The following SEMA6D variants were observed in gnomAD, a reference collection of about 807,000 sequenced individuals.
SEMA6D encodes semaphorin 6D.
In SEMA6D, 35 loss-of-function variants were observed where a neutral mutation model predicts 106.6. The ratio of observed to expected loss-of-function variants is 0.33; its 90% CI spans 0.25 to 0.44. SEMA6D has a LOEUF of 0.44. SEMA6D is among the 20% of genes least tolerant of loss of function. The pLI is 1.00. For missense variants in SEMA6D, 1,185 were observed against 1,345.9 expected, an observed-to-expected ratio of 0.88 and a Z score of 1.87; for synonymous variants, 499 against 487.7, an observed-to-expected ratio of 1.02 and a Z score of -0.31.
At chr15:47,245,070 A>G (rs2141834562) in intron 1 of SEMA6D, among the ~76,000 whole-genome samples, 1 of 151,080 alleles carries the variant, frequency 6.6e-6, no homozygotes, top group African/African-American at 2.4e-5. Context: ...CATGGTATAT[A>G]CTTACCACAT....
chr15:47,514,863 C>T (rs752613691), intron 3 of SEMA6D, among the ~76,000 whole-genome samples: 7 of 152,168 alleles, frequency 4.6e-5, no homozygotes, highest in Non-Finnish European at 8.8e-5. Flanking sequence ...GCACCAGAGG[C>T]ACTAGATTAG....
intron 4 of SEMA6D, among the ~76,000 whole-genome samples, chr15:47,617,037 G>T (rs1161007681): frequency 6.6e-6 from 1 of 152,166 alleles, no homozygotes; most frequent in Non-Finnish European, 1.5e-5. Flanking sequence ...TAGCTCCCAG[G>T]CATGATCGTT....
intron 1 of SEMA6D, among the ~76,000 whole-genome samples, chr15:47,376,997 C>T (rs1164918481): frequency 2.0e-5 from 3 of 152,106 alleles, no homozygotes; most frequent in African/African-American, 4.8e-5. Context: ...CCATATTCAC[C>T]TATAATTACT....
intron 4 of SEMA6D, among the ~76,000 whole-genome samples, chr15:47,662,857 G>GCACACA (rs140613951): frequency 0.03 from 4,054 of 134,056 alleles, 100 homozygotes; most frequent in South Asian, 0.073. Context: ...GTGTATGAGC[G>GCACACA]CACACACACA....
chr15:47,326,405 T>C (rs1476120658), intron 1 of SEMA6D, among the ~76,000 whole-genome samples: 4 of 152,266 alleles, frequency 2.6e-5, no homozygotes, highest in Non-Finnish European at 1.5e-5. Context: ...GCATTTGATA[T>C]GCACATTCTT....
intron 1 of SEMA6D, among the ~76,000 whole-genome samples, chr15:47,206,308 A>C (rs1895057927): frequency 6.6e-6 from 1 of 152,192 alleles, no homozygotes; most frequent in Admixed American, 6.6e-5. Flanking sequence ...AATATAATGA[A>C]AAAGAACTCA....
At chr15:47,740,785 C>T (rs1232052768) in intron 1 of SEMA6D, among the ~76,000 whole-genome samples, 2 of 152,074 alleles carry the variant, frequency 1.3e-5, no homozygotes, top group African/African-American at 2.4e-5. Context: ...GTCCCTGCTG[C>T]ACCACTGCCT....
chr15:47,338,817 C>T (rs1200323206), intron 1 of SEMA6D, among the ~76,000 whole-genome samples: 2 of 152,132 alleles, frequency 1.3e-5, no homozygotes, highest in African/African-American at 4.8e-5. Context: ...TAGAATCTCT[C>T]TCTGTGACCT....
chr15:47,290,728 G>C (rs1478524054), intron 1 of SEMA6D, among the ~76,000 whole-genome samples: 2 of 151,994 alleles, frequency 1.3e-5, no homozygotes, highest in African/African-American at 2.4e-5. Flanking sequence ...ATCAAGATGA[G>C]GCAATAAAAA....
chr15:47,303,541 G>A (rs2036105886), intron 1 of SEMA6D, among the ~76,000 whole-genome samples: 1 of 152,180 alleles, frequency 6.6e-6, no homozygotes, highest in African/African-American at 2.4e-5. Flanking sequence ...ATTGGATGTA[G>A]TAAATGTCTG....
At chr15:47,322,583 A>G (rs537418605) in intron 1 of SEMA6D, among the ~76,000 whole-genome samples, 33 of 152,300 alleles carry the variant, frequency 2.2e-4, no homozygotes, top group African/African-American at 7.9e-4. Flanking sequence ...GGCTATACAT[A>G]TGTATTGTTA....
At chr15:47,367,966 C>CTT (rs5812384) in intron 1 of SEMA6D, among the ~76,000 whole-genome samples, 8 of 148,022 alleles carry the variant, frequency 5.4e-5, no homozygotes, top group African/African-American at 1.7e-4. Context: ...CTTAATGCTC[C>CTT]TTTTTTTTTT....
intron 3 of SEMA6D, among the ~76,000 whole-genome samples, chr15:47,565,822 G>C (rs550835067): frequency 2.0e-5 from 3 of 152,308 alleles, no homozygotes; most frequent in African/African-American, 7.2e-5. Flanking sequence ...CGGGAAGTCA[G>C]CAAAATTTTT....
intron 1 of SEMA6D, among the ~76,000 whole-genome samples, chr15:47,290,467 C>A (rs16959181): frequency 0.018 from 2,769 of 152,004 alleles, 52 homozygotes; most frequent in African/African-American, 0.024. Flanking sequence ...AATGACAGAG[C>A]TGAAAGAAAC....
At chr15:47,319,762 A>G (rs2036852642) in intron 1 of SEMA6D, among the ~76,000 whole-genome samples, 1 of 151,990 alleles carries the variant, frequency 6.6e-6, no homozygotes, top group African/African-American at 2.4e-5. Flanking sequence ...TTGAAGCATG[A>G]GGGGATTATT....
chr15:47,727,576 G>C (rs1350455406), intron 1 of SEMA6D, among the ~76,000 whole-genome samples: 1 of 152,218 alleles, frequency 6.6e-6, no homozygotes, highest in Non-Finnish European at 1.5e-5. Context: ...CGAAGAGAAT[G>C]ATTATGAGCT....
intron 13 of SEMA6D, chr15:47,765,426 A>G (rs996771802): frequency 4.9e-6 from 5 of 1,018,672 alleles, no homozygotes; most frequent in Middle Eastern, 4.8e-4. Flanking sequence ...AGAATGCAGT[A>G]CTAGTTAAGT....
intron 1 of SEMA6D, among the ~76,000 whole-genome samples, chr15:47,399,173 G>T (rs2040316058): frequency 6.6e-6 from 1 of 151,914 alleles, no homozygotes; most frequent in Non-Finnish European, 1.5e-5. Context: ...ATTATTATCT[G>T]CATTTTGGAG....
chr15:47,757,623 T>C (rs2081829394), intron 1 of SEMA6D, among the ~76,000 whole-genome samples: 1 of 152,222 alleles, frequency 6.6e-6, no homozygotes, highest in African/African-American at 2.4e-5. Flanking sequence ...ATTGCTTTTT[T>C]GTTTTGTTTT....
Sources: gnomAD v4.1 joint callset for allele counts (sites outside exome capture counted in the v4.1 genomes callset) on GRCh38, gnomAD v4.1.1 for gene constraint, MANE v1.5 for transcripts, NCBI Gene and HGNC (gene_info 2026-07-23, HGNC 2026-07-21) for gene names.